Variants in SORCS3 observed in about 807,000 individuals in gnomAD.
SORCS3 encodes the protein VPS10 domain-containing receptor SorCS3.
In SORCS3, 57 loss-of-function variants were observed where a neutral mutation model predicts 146.3. The observed-to-expected ratio is 0.39, with a 90% CI of 0.31 to 0.49. The LOEUF is 0.49. SORCS3 is among the 20% of genes least tolerant of loss of function. The pLI is 0.92. For missense variants in SORCS3, 1,341 were observed against 1,575.5 expected (o/e 0.85, Z 2.52); for synonymous variants, 653 against 618.5 (o/e 1.06, Z -0.83).
intron 4 of SORCS3, among the ~76,000 whole-genome samples, chr10:104,979,787 T>C (rs1189991723): frequency 6.6e-6 from 1 of 152,172 alleles, no homozygotes; most frequent in African/African-American, 2.4e-5. Context: ...CTTAGCCAAA[T>C]GTCAGATAGT....
In SORCS3 at chr10:105,157,211, A is replaced by G. The variant is rs191629355; in HGVS notation, c.1556A>G (p.Asn519Ser). ...DDQVKTYITY[N>S]KGRDWRLLQA... The stretch of plus-strand genomic sequence containing the variant: ...CAGGTGAAGACATACATCACTTACA[A>G]CAAAGGCAGGGATTGGCGCCTGCTG... Residue 519 changes from asparagine to serine, a missense_variant, in exon 10 of 27, where the codon AAC becomes AGC. By Grantham distance (46) the Asn-to-Ser change is conservative (BLOSUM62 1). Transcript: ENST00000369701. The G allele has an allele frequency of 1.3e-4, 209 of 1,614,114 alleles. 1 individual carries two copies. In the East Asian group the frequency reaches 4.6e-3, roughly 35 times the overall value.
chr10:104,900,482 T>A (rs984298367), intron 2 of SORCS3, among the ~76,000 whole-genome samples: 1 of 152,190 alleles, frequency 6.6e-6, no homozygotes, highest in African/African-American at 2.4e-5. Context: ...CAAACAGGCT[T>A]TATATTCCTA....
rs556530937 is a variant in SORCS3 at position 104,774,074 on chromosome 10, G to C, written c.628-68718G>C. Among the ~76,000 whole-genome samples, 14 of 152,302 alleles carry C rather than the reference G, an allele frequency of 9.2e-5. No homozygotes were observed. In the South Asian group the frequency reaches 2.7e-3, roughly 29 times the overall value. ...TACCTTAAAAAGTGTAATATTCTCTGTTGTGTTTAATTTCACAAGCCATCT... is the reference window on the plus strand; with the variant it reads ...TACCTTAAAAAGTGTAATATTCTCTCTTGTGTTTAATTTCACAAGCCATCT... On this transcript the variant is annotated intron_variant, in intron 1 of 26. Transcript: ENST00000369701.
rs555256521 is a variant in SORCS3 at position 104,965,536 on chromosome 10, A to G, written c.796-11799A>G. Reference sequence around the variant, plus strand: ...GCTGCACCATTTTTTGTTCCCACCAACAGTTCACAAGGGTTCCAACTTTTC... The same window carrying G: ...GCTGCACCATTTTTTGTTCCCACCAGCAGTTCACAAGGGTTCCAACTTTTC... On this transcript the variant is annotated intron_variant, in intron 3 of 26. Coordinates refer to ENST00000369701, the MANE Select transcript of SORCS3 (RefSeq NM_014978.3). 8.5e-5 allele frequency among the ~76,000 whole-genome samples: 13 copies of G among 152,302 alleles called. No individual in the cohort carries two copies. The East Asian group carries it at 2.1e-3, about 25-fold the overall frequency.
chr10:105,156,179 A>G (rs2056207091), intron 9 of SORCS3, among the ~76,000 whole-genome samples: 1 of 152,210 alleles, frequency 6.6e-6, no homozygotes, highest in East Asian at 1.9e-4. Flanking sequence ...CCTATTGTTT[A>G]TATATATTTA....
intron 23 of SORCS3, among the ~76,000 whole-genome samples, chr10:105,254,249 C>T (rs548152790): frequency 5.9e-5 from 9 of 152,180 alleles, no homozygotes; most frequent in South Asian, 2.1e-4. Context: ...ATCCTGGCAG[C>T]GGCCTACATC....
Position 105,045,747 on chromosome 10 carries a change from T to C in SORCS3, c.1028+2619T>C, listed in dbSNP as rs953643044. ...CATCCATCTAATGGGAACAGTATTT[T>C]TGTTGTCAATTTCATAAGGTTATTG... On this transcript the variant is annotated intron_variant, in intron 5 of 26. Transcript: ENST00000369701. 9.2e-5 allele frequency among the ~76,000 whole-genome samples: 14 copies of C among 152,296 alleles called. 4 individuals carry two copies. Among genetic ancestry groups the C allele is most frequent in the Admixed American group, 9.2e-4 (14 of 15,282 alleles).
At chr10:105,078,071 T>C (rs1033650713) in intron 5 of SORCS3, among the ~76,000 whole-genome samples, 65 of 152,344 alleles carry the variant, frequency 4.3e-4, no homozygotes, top group African/African-American at 1.5e-3. Context: ...TGACTGTGTT[T>C]GACAGCTCCA....
chr10:104,665,086 G>A (rs1387856821), intron 1 of SORCS3: 1 of 152,596 alleles, frequency 6.6e-6, no homozygotes, highest in Non-Finnish European at 1.5e-5. Flanking sequence ...ATGGTGGATG[G>A]TTTGGTGCTG....
At chr10:105,071,001 C>T (rs2055553049) in intron 5 of SORCS3, among the ~76,000 whole-genome samples, 1 of 151,642 alleles carries the variant, frequency 6.6e-6, no homozygotes, top group Non-Finnish European at 1.5e-5. Flanking sequence ...ATTGAAGAGT[C>T]CTGGGAGAGG....
chr10:104,927,643 C>A (rs1355740438), intron 3 of SORCS3, among the ~76,000 whole-genome samples: 1 of 152,110 alleles, frequency 6.6e-6, no homozygotes, highest in Non-Finnish European at 1.5e-5. Context: ...CTTTGGGAGG[C>A]CGAGGCAGGT....
At chr10:104,780,330 C>T (rs1309925120) in intron 1 of SORCS3, among the ~76,000 whole-genome samples, 1 of 151,160 alleles carries the variant, frequency 6.6e-6, no homozygotes, top group Non-Finnish European at 1.5e-5. Flanking sequence ...GTGGAGGTCA[C>T]CCTGAGATGA....
rs573277776 is a variant in SORCS3 at position 104,924,751 on chromosome 10, TG to T, written c.795+8823del. The stretch of plus-strand genomic sequence containing the variant: ...ATCCTCACCTTCTCAATTTGTAAAA[TG>T]GGGATAAAAGATCACTTACCTGTCC... On this transcript the variant is annotated intron_variant, in intron 3 of 26. Coordinates refer to ENST00000369701, the MANE Select transcript of SORCS3 (RefSeq NM_014978.3). Among the ~76,000 whole-genome samples, 388 of 152,314 alleles carry T rather than the reference TG, an allele frequency of 2.5e-3. 2 individuals are homozygous for T. The highest frequency in any genetic ancestry group is 0.014 in the Middle Eastern group (4 of 294).
chr10:104,780,137 G>GT (rs72352792), intron 1 of SORCS3, among the ~76,000 whole-genome samples: 113,608 of 145,336 alleles, frequency 0.78, 44,303 homozygotes, highest in East Asian at 0.93. Context: ...AGAGGAGGCA[G>GT]TTTTTTTTTT....
At chr10:104,728,627 A>G (rs1231321878) in intron 1 of SORCS3, among the ~76,000 whole-genome samples, 1 of 152,230 alleles carries the variant, frequency 6.6e-6, no homozygotes, top group Non-Finnish European at 1.5e-5. Context: ...ATCCTGCCTC[A>G]GGCTCAAGGC....
Position 104,767,996 on chromosome 10 carries a change from T to G in SORCS3, c.628-74796T>G, listed in dbSNP as rs149618963. ...TACTAAGGGATCTAGAACCCAGATGTTTAACAGAATAAGCAGAATTGGCAC... is the reference window on the plus strand; with the variant it reads ...TACTAAGGGATCTAGAACCCAGATGGTTAACAGAATAAGCAGAATTGGCAC... On this transcript the variant is annotated intron_variant, in intron 1 of 26. Coordinates refer to ENST00000369701, the MANE Select transcript of SORCS3 (RefSeq NM_014978.3). 1.5e-3 allele frequency among the ~76,000 whole-genome samples: 224 copies of G among 152,200 alleles called. 1 individual carries two copies. Among genetic ancestry groups the G allele is most frequent in the African/African-American group, 5.2e-3 (217 of 41,540 alleles).
chr10:104,971,940 G>A (rs1327400794), intron 3 of SORCS3, among the ~76,000 whole-genome samples: 2 of 152,192 alleles, frequency 1.3e-5, no homozygotes, highest in Non-Finnish European at 2.9e-5. Flanking sequence ...AAAAGTCTGA[G>A]TGTCTAAGCG....
At chr10:104,711,674 A>T (rs1010882370) in intron 1 of SORCS3, among the ~76,000 whole-genome samples, 1 of 152,154 alleles carries the variant, frequency 6.6e-6, no homozygotes, top group Non-Finnish European at 1.5e-5. Context: ...TCTGCCTTGC[A>T]TTTCTGCATA....
At chr10:104,743,008 G>A (rs2016867484) in intron 1 of SORCS3, among the ~76,000 whole-genome samples, 1 of 152,160 alleles carries the variant, frequency 6.6e-6, no homozygotes, top group Non-Finnish European at 1.5e-5. Context: ...AGAATGGAAA[G>A]CATTTTATAT....
Sources: allele counts gnomAD v4.1 joint callset (sites outside exome capture counted in the v4.1 genomes callset), GRCh38; gene constraint gnomAD v4.1.1; transcripts MANE v1.5; gene names NCBI Gene and HGNC (gene_info 2026-07-23, HGNC 2026-07-21).